The following IDE variants were observed in gnomAD, a reference collection of about 807,000 sequenced individuals.
The protein encoded by IDE is insulin-degrading enzyme.
In IDE, 58 loss-of-function variants were observed where a neutral mutation model predicts 133.2. The observed-to-expected ratio is 0.44, with a 90% CI of 0.35 to 0.54. The LOEUF is 0.54. Among genes scored for constraint, IDE ranks in the 20% least tolerant of loss-of-function variants. IDE has a pLI of 0.00. For missense variants in IDE, 981 were observed against 1,234.0 expected, an observed-to-expected ratio of 0.79 and a Z score of 3.07; for synonymous variants, 396 against 421.3, an observed-to-expected ratio of 0.94 and a Z score of 0.73.
intron 1 of IDE, among the ~76,000 whole-genome samples, chr10:92,542,666 G>A (rs907089017): frequency 4.6e-5 from 7 of 152,222 alleles, no homozygotes; most frequent in African/African-American, 1.7e-4. Flanking sequence ...AGGAGGGGGA[G>A]TAGAAGCACA....
intron 14 of IDE, among the ~76,000 whole-genome samples, chr10:92,482,657 A>C (rs946359205): frequency 1.3e-5 from 2 of 152,080 alleles, no homozygotes; most frequent in Admixed American, 1.3e-4. Flanking sequence ...AGAATCCAAA[A>C]CCCTGAAGGC....
intron 4 of IDE, among the ~76,000 whole-genome samples, chr10:92,520,358 A>C (rs1309563921): frequency 6.6e-6 from 1 of 152,170 alleles, no homozygotes; most frequent in Non-Finnish European, 1.5e-5. Context: ...AGGGAATAAA[A>C]TTTATTTTCC....
chr10:92,558,297 G>A (rs867835720), intron 1 of IDE, among the ~76,000 whole-genome samples: 18 of 152,156 alleles, frequency 1.2e-4, no homozygotes, highest in Admixed American at 3.3e-4. Context: ...CAGGTGATCC[G>A]CCCACCTCGG....
At chr10:92,455,499 A>C (rs1047843498) in intron 24 of IDE, 77 bp downstream of exon 24, 1 of 957,832 alleles carries the variant, frequency 1.0e-6, no homozygotes. Flanking sequence ...AAAACAAAAA[A>C]CAAAAAAAAC....
chr10:92,476,705 G>A (rs1053214407), intron 15 of IDE, among the ~76,000 whole-genome samples: 7 of 152,024 alleles, frequency 4.6e-5, no homozygotes, highest in African/African-American at 1.2e-4. Flanking sequence ...ACCTGACACC[G>A]AACTATGGTG....
At chr10:92,466,761 G>A (rs939327201) in intron 19 of IDE, among the ~76,000 whole-genome samples, 2 of 151,788 alleles carry the variant, frequency 1.3e-5, no homozygotes, top group African/African-American at 2.4e-5. Context: ...GGGATTACAG[G>A]TGCCTGCCAC....
At chr10:92,567,551 T>C (rs1843614144) in intron 1 of IDE, among the ~76,000 whole-genome samples, 2 of 152,230 alleles carry the variant, frequency 1.3e-5, no homozygotes, top group African/African-American at 4.8e-5. Context: ...ACAGCTTTCA[T>C]ATGTCACTGA....
chr10:92,542,259 A>T (rs1244827719), intron 1 of IDE, among the ~76,000 whole-genome samples: 1 of 152,128 alleles, frequency 6.6e-6, no homozygotes, highest in Admixed American at 6.5e-5. Context: ...GGCTCAGGTG[A>T]TCCTCCCACC....
intron 21 of IDE, among the ~76,000 whole-genome samples, chr10:92,462,296 C>T (rs931555198): frequency 9.7e-5 from 13 of 133,902 alleles, no homozygotes; most frequent in Non-Finnish European, 1.8e-4. Context: ...ACAGCCTGGG[C>T]GACAGAGCAA....
intron 11 of IDE, among the ~76,000 whole-genome samples, chr10:92,492,714 C>T (rs1847432549): frequency 6.6e-6 from 1 of 152,156 alleles, no homozygotes; most frequent in South Asian, 2.1e-4. Flanking sequence ...CAGCTGAAAG[C>T]CTAGTACTTG....
intron 11 of IDE, among the ~76,000 whole-genome samples, chr10:92,503,265 T>A (rs866849730): frequency 2.6e-5 from 4 of 152,116 alleles, no homozygotes; most frequent in African/African-American, 9.7e-5. Flanking sequence ...CCTATCTCTA[T>A]AAAAAATTGT....
chr10:92,532,159 A>C (rs1849964300), intron 3 of IDE, among the ~76,000 whole-genome samples: 2 of 152,112 alleles, frequency 1.3e-5, no homozygotes. Context: ...AAACAGTGAA[A>C]ATTTAAAAAA....
chr10:92,491,623 T>G (rs1847349465), intron 11 of IDE, among the ~76,000 whole-genome samples: 1 of 150,992 alleles, frequency 6.6e-6, no homozygotes, highest in Admixed American at 6.6e-5. Flanking sequence ...TTGTTTTTTT[T>G]TTTTGAGTTG....
chr10:92,508,923 T>C (rs548479389), intron 6 of IDE, 33 bp from the exon 7 acceptor site: 52 of 1,501,958 alleles, frequency 3.5e-5, no homozygotes, highest in Non-Finnish European at 4.6e-5. Flanking sequence ...ATTAGCTATA[T>C]ACGACTCCTA....
chr10:92,499,926 T>C (rs1794319199), intron 11 of IDE, among the ~76,000 whole-genome samples: 1 of 152,212 alleles, frequency 6.6e-6, no homozygotes, highest in African/African-American at 2.4e-5. Flanking sequence ...TTCATATAGA[T>C]ACGCAGCTAG....
intron 14 of IDE, 179 bp from the exon 15 acceptor site, chr10:92,479,600 AGTGTGTGTGAGT>A: frequency 1.9e-6 from 1 of 536,182 alleles, no homozygotes; most frequent in Non-Finnish European, 3.3e-6. Context: ...AGAAGCCTGA[AGTGTGTGTGAGT>A]GTGTGTGTGT....
At chr10:92,488,764 G>A (rs552173525) in intron 12 of IDE, among the ~76,000 whole-genome samples, 5 of 147,780 alleles carry the variant, frequency 3.4e-5, no homozygotes, top group African/African-American at 7.8e-5. Flanking sequence ...GCAACAGTAC[G>A]AGACTCTGTC....
intron 13 of IDE, among the ~76,000 whole-genome samples, chr10:92,485,125 C>CTTTTTTTTTTTT (rs34615998): frequency 2.0e-4 from 20 of 100,856 alleles, no homozygotes; most frequent in African/African-American, 2.4e-4. Flanking sequence ...TTCTTTCTTT[C>CTTTTTTTTTTTT]TTTTTTTTTT....
chr10:92,533,462 C>T (rs1850055419), intron 3 of IDE, among the ~76,000 whole-genome samples: 1 of 152,054 alleles, frequency 6.6e-6, no homozygotes, highest in Non-Finnish European at 1.5e-5. Flanking sequence ...AATATAATAA[C>T]TATTATTAAA....
Sources: allele counts gnomAD v4.1 joint callset (sites outside exome capture counted in the v4.1 genomes callset), GRCh38; gene constraint gnomAD v4.1.1; transcripts MANE v1.5; gene names NCBI Gene and HGNC (gene_info 2026-07-23, HGNC 2026-07-21).